ABCC11: variants seen among roughly 807,000 people sequenced by gnomAD.
ABCC11 encodes the protein ATP binding cassette subfamily C member 11.
Under a neutral mutation model 149.3 loss-of-function variants are expected in ABCC11, and 135 were observed. The ratio of observed to expected loss-of-function variants is 0.90; its 90% CI spans 0.79 to 1.04. The LOEUF is 1.04. ABCC11 is among the 50% of genes least tolerant of loss of function. The probability of loss-of-function intolerance (pLI) is 0.00; values close to 1 mark genes in which losing one functional copy is unlikely to be tolerated. For synonymous variants in ABCC11, 665 were observed against 671.4 expected (o/e 0.99, Z 0.15); for missense variants, 1,680 against 1,722.1 (o/e 0.98, Z 0.43).
chr16:48,246,044 G>T (rs9931267), intron 1 of ABCC11, among the ~76,000 whole-genome samples: 1 of 152,060 alleles, frequency 6.6e-6, no homozygotes, highest in East Asian at 1.9e-4. Context: ...AAAATCTTGT[G>T]ACTATGTACA....
intron 28 of ABCC11, among the ~76,000 whole-genome samples, chr16:48,169,142 C>G (rs1297209050): frequency 6.6e-6 from 1 of 152,208 alleles, no homozygotes; most frequent in African/African-American, 2.4e-5. Context: ...AAGGGATGTA[C>G]TGCATCCAAG....
Position 48,216,133 on chromosome 16 carries a change from A to G in ABCC11, c.932T>C (p.Leu311Pro), listed in dbSNP as rs752317228. ...YTAFIAILCYLLVFPLAVFMT... is the reference protein window; with the variant it reads ...YTAFIAILCYPLVFPLAVFMT... ...CATTACCGCCAGTGGGAAAACCAGG[A>G]GATAGCATAAGATGGCAATAAATGC... Residue 311 changes from leucine to proline, a missense_variant, in exon 7 of 30, where the codon CTC becomes CCC. By Grantham distance (98) the Leu-to-Pro change is moderately conservative (BLOSUM62 -3). Coordinates refer to ENST00000356608, the MANE Select transcript of ABCC11 (RefSeq NM_001370497.1). 6 of 1,614,012 alleles carry G rather than the reference A, an allele frequency of 3.7e-6. No homozygotes were observed. Among genetic ancestry groups the G allele is most frequent in the Non-Finnish European group, 5.1e-6 (6 of 1,180,014 alleles).
chr16:48,227,990 A>G, intron 3 of ABCC11, 26 bp from the exon 4 acceptor site: 2 of 1,585,000 alleles, frequency 1.3e-6, no homozygotes, highest in Non-Finnish European at 1.7e-6. Context: ...CAAGGATAAG[A>G]ATGAATTCAG....
intron 14 of ABCC11, 152 bp downstream of exon 14, chr16:48,203,076 G>A (rs1968132678): frequency 1.2e-6 from 1 of 859,024 alleles, no homozygotes; most frequent in Non-Finnish European, 1.8e-6. Context: ...CCCTCAGTGA[G>A]GGAAGCTTTG....
At chr16:48,171,463 C>T (rs776379306) in intron 26 of ABCC11, among the ~76,000 whole-genome samples, 41 of 152,204 alleles carry the variant, frequency 2.7e-4, no homozygotes, top group Non-Finnish European at 4.9e-4. Flanking sequence ...AGGGGAAAAC[C>T]GGGCCCTGGA....
chr16:48,230,590 A>G lies in ABCC11; in HGVS notation c.100-17T>C. The G allele has an allele frequency of 6.5e-7, 1 of 1,548,762 alleles. No homozygotes were observed. Among genetic ancestry groups the G allele is most frequent in the Non-Finnish European group, 8.7e-7 (1 of 1,144,880 alleles). ...ATAGGTTTTCTTGGAAAAGAAAAACAAAAGAGCATCAGTTTCAAATCTCGT... is the reference window on the plus strand; with the variant it reads ...ATAGGTTTTCTTGGAAAAGAAAAACGAAAGAGCATCAGTTTCAAATCTCGT... On this transcript the variant is annotated splice_polypyrimidine_tract_variant and intron_variant, in intron 2 of 29. Coordinates refer to ENST00000356608, the MANE Select transcript of ABCC11 (RefSeq NM_001370497.1).
intron 10 of ABCC11, among the ~76,000 whole-genome samples, chr16:48,212,063 G>T (rs1439654671): frequency 6.6e-6 from 1 of 152,152 alleles, no homozygotes; most frequent in Admixed American, 6.5e-5. Flanking sequence ...AGAATGAATG[G>T]GTGAACCCAG....
intron 13 of ABCC11, 109 bp downstream of exon 13, chr16:48,205,304 A>G (rs1567518618): frequency 6.9e-7 from 1 of 1,459,610 alleles, no homozygotes; most frequent in East Asian, 2.4e-5. Flanking sequence ...TAATGCGTTT[A>G]AGTGGAGCAC....
chr16:48,171,889 G>C (rs1184904020), intron 26 of ABCC11, among the ~76,000 whole-genome samples: 2 of 152,164 alleles, frequency 1.3e-5, no homozygotes, highest in African/African-American at 4.8e-5. Context: ...CTTAAACCCA[G>C]GAGGTGGAGG....
Position 48,170,956 on chromosome 16 carries a change from T to A in ABCC11, c.3710A>T (p.Asp1237Val). The change falls in exon 27 of 30, where the codon GAT becomes GTT. Residue 1237 changes from aspartate (D) to valine (V), a missense_variant. Transcript: ENST00000356608. ...LLSGTIRFNL[D>V]PFDRHTDQQI... The stretch of plus-strand genomic sequence containing the variant: ...CTGGTCAGTGTGACGGTCAAAGGGA[T>A]CTAGGTTGAATCTACCATATGAGAG... 2 of 1,613,270 alleles carry A rather than the reference T, an allele frequency of 1.2e-6. No homozygotes were observed. Among genetic ancestry groups the A allele is most frequent in the Non-Finnish European group, 1.7e-6 (2 of 1,179,224 alleles).
rs1486121280 is a variant in ABCC11, at chr16:48,203,207, GC to G, written c.1878+20del. ...AGAGCACCAACATTACACAGAGAAG[GC>G]AGGCTCGCCTCCCTCTCACCTCTGT... On this transcript the variant is annotated intron_variant, in intron 14 of 29. Transcript: ENST00000356608. 1 of 1,553,598 alleles carries G rather than the reference GC, an allele frequency of 6.4e-7. No individual in the cohort carries two copies. The highest frequency in any genetic ancestry group is 8.7e-7 in the Non-Finnish European group (1 of 1,145,454).
At chr16:48,214,359 A>G (rs1969167709) in intron 9 of ABCC11, among the ~76,000 whole-genome samples, 1 of 152,018 alleles carries the variant, frequency 6.6e-6, no homozygotes, top group Admixed American at 6.6e-5. Context: ...CAGACTCTCA[A>G]ATGCTTCCCT....
At chr16:48,178,107 C>A (rs1966202032) in intron 24 of ABCC11, among the ~76,000 whole-genome samples, 1 of 152,190 alleles carries the variant, frequency 6.6e-6, no homozygotes, top group South Asian at 2.1e-4. Context: ...ATCATTTCAA[C>A]TTTGTGATAA....
intron 5 of ABCC11, among the ~76,000 whole-genome samples, chr16:48,223,058 G>T (rs369885781): frequency 2.0e-5 from 3 of 152,326 alleles, no homozygotes; most frequent in South Asian, 4.1e-4. Flanking sequence ...TCCTCATCCT[G>T]ACAGGAGACA....
chr16:48,200,261 T>C lies in ABCC11; in HGVS notation c.2082+15A>G. 2 of 1,612,496 alleles carry C rather than the reference T, an allele frequency of 1.2e-6. No individual in the cohort carries two copies. Among genetic ancestry groups the C allele is most frequent in the Non-Finnish European group, 8.5e-7 (1 of 1,178,916 alleles). ...TATCCGTCAATCACAGTCAGAGCCC[T>C]GGAAGGGTGCTAACCTGCAGCTGGT... On this transcript the variant is annotated intron_variant, in intron 15 of 29. Transcript: ENST00000356608.
At chr16:48,228,903 CT>C (rs963567507) in intron 3 of ABCC11, among the ~76,000 whole-genome samples, 69 of 143,866 alleles carry the variant, frequency 4.8e-4, no homozygotes, top group Admixed American at 2.3e-3. Flanking sequence ...CATTTTTCCA[CT>C]TTTTTTTTTT....
At chr16:48,186,897 T>G in intron 22 of ABCC11, 56 bp downstream of exon 22, 1 of 1,600,148 alleles carries the variant, frequency 6.2e-7, no homozygotes, top group Non-Finnish European at 8.5e-7. Context: ...ATTCTTTCCC[T>G]GCTCCCCACC....
chr16:48,208,808 C>T (rs1333724233), intron 11 of ABCC11, among the ~76,000 whole-genome samples: 2 of 152,160 alleles, frequency 1.3e-5, no homozygotes, highest in South Asian at 2.1e-4. Flanking sequence ...GCCACTTAGC[C>T]TCTCTGGGCC....
chr16:48,219,085 T>G (rs184089364), intron 6 of ABCC11, among the ~76,000 whole-genome samples: 2 of 152,160 alleles, frequency 1.3e-5, no homozygotes, highest in East Asian at 3.9e-4. Context: ...ATAGTACCAC[T>G]TACATAAAAA....
Sources: allele counts gnomAD v4.1 joint callset (sites outside exome capture counted in the v4.1 genomes callset), GRCh38; gene constraint gnomAD v4.1.1; transcripts MANE v1.5; gene names NCBI Gene and HGNC (gene_info 2026-07-23, HGNC 2026-07-21).